The following CIZ1 variants were observed in gnomAD, a reference collection of about 807,000 sequenced individuals.
CIZ1 encodes the protein CDKN1A interacting zinc finger protein 1, also known as cip1-interacting zinc finger protein.
CIZ1 carries 58 observed loss-of-function variants against 118.6 expected under a neutral mutation model. The observed-to-expected ratio is 0.49, with a 90% CI of 0.40 to 0.61. The LOEUF is 0.61. CIZ1 is among the 20% of genes least tolerant of loss of function. The pLI is 0.00. For synonymous variants in CIZ1, 448 were observed against 443.4 expected (o/e 1.01, Z -0.13); for missense variants, 921 against 1,115.9 (o/e 0.83, Z 2.49).
rs192418585 is a variant in CIZ1, at chr9:128,201,086, G to A, written c.-6+3100C>T. 2.1e-3 allele frequency among the ~76,000 whole-genome samples: 323 copies of A among 151,818 alleles called. 2 individuals carry two copies. Among genetic ancestry groups the A allele is most frequent in the Non-Finnish European group, 3.4e-3 (229 of 67,942 alleles). Reference sequence around the variant, plus strand: ...GATGGAAACCATCCTGGCTAACACGGTGAAACCCTATCTCTACTAAAAATA... The same window carrying A: ...GATGGAAACCATCCTGGCTAACACGATGAAACCCTATCTCTACTAAAAATA... On this transcript the variant is annotated intron_variant, in intron 1 of 17. Coordinates refer to the CIZ1 transcript ENST00000372948.
At chr9:128,172,147 CAAAAAAAAAAAAAAAA>C (rs58895140) in intron 11 of CIZ1, among the ~76,000 whole-genome samples, 1 of 69,170 alleles carries the variant, frequency 1.4e-5, no homozygotes, top group East Asian at 4.6e-4. Context: ...GACACTGTCT[CAAAAAAAAAAAAAAAA>C]AAAAAAAAAA....
chr9:128,191,946 G>T, upstream of CIZ1: 7 of 1,416,090 alleles, frequency 4.9e-6, no homozygotes, highest in Non-Finnish European at 6.5e-6. The surrounding 1 kb of genome is among the most constrained non-coding windows in gnomAD (Gnocchi z 5.5). Context: ...ACATTCATTC[G>T]AGGGACCCAG....
At chr9:128,190,919 C>A in intron 1 of CIZ1, 57 bp from the exon 2 acceptor site, 1 of 1,478,036 alleles carries the variant, frequency 6.8e-7, no homozygotes, top group Non-Finnish European at 9.0e-7. Flanking sequence ...AGGCCTGCTC[C>A]CCTCCCATCC....
In CIZ1 at chr9:128,166,927, G is replaced by C; in HGVS notation, c.2366-47C>G. Reference sequence around the variant, plus strand: ...TCTGCACTCACATCCCTGTACCAGCGAGGTGTCCCTCCCTCTCTAGGGGCC... The same window carrying C: ...TCTGCACTCACATCCCTGTACCAGCCAGGTGTCCCTCCCTCTCTAGGGGCC... On this transcript the variant is annotated intron_variant, in intron 15 of 16. Transcript: ENST00000372938. The surrounding 1 kb of genome is among the most constrained non-coding windows in gnomAD (Gnocchi z 4.4). 6.2e-7 allele frequency: 1 copy of C among 1,613,716 alleles called. No individual in the cohort carries two copies. Among genetic ancestry groups the C allele is most frequent in the Non-Finnish European group, 8.5e-7 (1 of 1,179,774 alleles).
rs1829439440 is a variant in CIZ1 at position 128,166,480 on chromosome 9, C to T, written c.2488-74G>A. On this transcript the variant is annotated intron_variant, in intron 16 of 16. Transcript: ENST00000372938. The surrounding 1 kb of genome is among the most constrained non-coding windows in gnomAD (Gnocchi z 4.4). ...ATGCTCCTGGCCAGCAGCTACTTCC[C>T]CAGCTCTGGCTGAGACAGTATTAGT... 37 of 1,228,666 alleles carry T rather than the reference C, an allele frequency of 3.0e-5. No homozygotes were observed. In the Middle Eastern group the frequency reaches 6.0e-4, roughly 20 times the overall value. 76.1% of individuals were successfully genotyped at this position (1,228,666 alleles called of 1,614,324 possible). A position where few individuals can be genotyped will look rare whatever the true frequency, so the allele number is the denominator to read the frequency against.
upstream of CIZ1, chr9:128,191,648 C>A: frequency 8.1e-7 from 1 of 1,233,966 alleles, no homozygotes; most frequent in South Asian, 3.2e-5. The surrounding 1 kb of genome is among the most constrained non-coding windows in gnomAD (Gnocchi z 5.5). Context: ...GGCCGCGCCA[C>A]CCGAGCCCGC....
chr9:128,192,180 T>C (rs971879420), upstream of CIZ1, among the ~76,000 whole-genome samples: 4 of 152,042 alleles, frequency 2.6e-5, no homozygotes, highest in Non-Finnish European at 5.9e-5. Flanking sequence ...AAGACCAGCC[T>C]GGGCAAAATG....
At chr9:128,176,319 C>T (rs200170848) in intron 11 of CIZ1, 32 bp downstream of exon 11, 4 of 1,610,482 alleles carry the variant, frequency 2.5e-6, no homozygotes, top group Non-Finnish European at 2.5e-6. Context: ...TGCCTACCCC[C>T]CAACACAGAG....
chr9:128,171,692 G>A (rs539434879), intron 11 of CIZ1, among the ~76,000 whole-genome samples: 80 of 151,976 alleles, frequency 5.3e-4, no homozygotes, highest in Non-Finnish European at 8.4e-4. Flanking sequence ...AGCCAAGATC[G>A]CGCCACTGCA....
At chr9:128,185,004 C>A (rs532136300) in intron 5 of CIZ1, among the ~76,000 whole-genome samples, 2 of 152,242 alleles carry the variant, frequency 1.3e-5, no homozygotes, top group East Asian at 2.0e-4. Context: ...TTAAGCTGGG[C>A]GCAGTGGCTC....
chr9:128,181,482 G>C (rs1030002542), intron 5 of CIZ1, among the ~76,000 whole-genome samples: 5 of 152,222 alleles, frequency 3.3e-5, no homozygotes, highest in African/African-American at 1.2e-4. Flanking sequence ...TTAGTTGGTA[G>C]CAATTACTTT....
rs45599939 is a variant in CIZ1, at chr9:128,187,489, G to A, written c.358+374C>T. ...CCTGCTTAGCCTGATTTCCTGATCT[G>A]TAAAAAGGGGATAATAATAGCACTT... On this transcript the variant is annotated intron_variant, in intron 4 of 16. Coordinates refer to ENST00000372938, the MANE Select transcript of CIZ1 (RefSeq NM_001131016.2). 2.2e-3 allele frequency among the ~76,000 whole-genome samples: 331 copies of A among 152,318 alleles called. 8 individuals are homozygous for A. The East Asian group carries it at 0.04, about 19-fold the overall frequency.
rs1214502981 is a variant in CIZ1, at chr9:128,178,805, G to C, written c.1402C>G (p.Gln468Glu). ...GGAGCCAGCAACGACACCTGCGGCT[G>C]GGTGTGAGGCTGCTCATGGGTCTGC... ...PEQTHEQPHT[Q>E]PQVSLLAPEQ... is the part of the protein sequence containing the mutation. Residue 468 changes from glutamine to glutamate, a missense_variant, in exon 8 of 17, where the codon CAG becomes GAG. By Grantham distance (29) the Gln-to-Glu change is conservative. Transcript: ENST00000372938. 6.2e-7 allele frequency: 1 copy of C among 1,614,150 alleles called. No homozygotes were observed. The highest frequency in any genetic ancestry group is 1.3e-5 in the African/African-American group (1 of 74,958).
At chr9:128,167,485 A>G (rs1277229478) in intron 14 of CIZ1, 1 of 303,026 alleles carries the variant, frequency 3.3e-6, no homozygotes, top group Non-Finnish European at 6.1e-6. Context: ...ACAGCCCTCT[A>G]TGGCTACACA....
chr9:128,197,859 G>A (rs971833927), intron 1 of CIZ1: 3 of 152,320 alleles, frequency 2.0e-5, no homozygotes, highest in Admixed American at 6.5e-5. Context: ...TCACTGAACC[G>A]TCACACAATC....
At position 128,203,414 on chromosome 9, in the gene CIZ1, TC is replaced by T. The variant is rs2131060340; in HGVS notation, c.-6+771del. The T allele has an allele frequency of 7.3e-7, 1 of 1,361,452 alleles. No individual in the cohort carries two copies. Among genetic ancestry groups the T allele is most frequent in the East Asian group, 3.2e-5 (1 of 31,048 alleles). 84.3% of individuals were successfully genotyped at this position (1,361,452 alleles called of 1,614,324 possible). A position where few individuals can be genotyped will look rare whatever the true frequency, so the allele number is the denominator to read the frequency against. On this transcript the variant is annotated intron_variant, in intron 1 of 17. Coordinates refer to the CIZ1 transcript ENST00000372948. This position sits in a 1 kb window ranked among gnomAD's most constrained non-coding sequence, Gnocchi z 5.3. ...CGCGGCTGCAGCGGCGGAGCCGGAG[TC>T]GGAGCCGGGAGCGCTAGCGGCAGCC...
intron 7 of CIZ1, 23 bp downstream of exon 7, chr9:128,180,392 G>A (rs1299979595): frequency 5.0e-6 from 8 of 1,585,422 alleles, no homozygotes; most frequent in Middle Eastern, 1.7e-4. Flanking sequence ...CCGGGCGCAG[G>A]TCAGGTTTTC....
rs1027919169 is a variant in CIZ1 at position 128,166,395 on chromosome 9, C to T, written c.2499G>A (p.Ala833=). The T allele has an allele frequency of 8.5e-6, 13 of 1,536,814 alleles. No homozygotes were observed. Among genetic ancestry groups the T allele is most frequent in the East Asian group, 2.4e-5 (1 of 41,080 alleles). ...GHFENLQKYK[A]AKNPSPTTRP... ...GGGTGGTGGGGCTGGGGTTCTTGGC[C>T]GCCTTGTATTTCTGGATACAGAAGG... Residue 833 remains alanine, a synonymous_variant, in exon 17 of 17, where the codon GCG becomes GCA. Transcript: ENST00000372938. This position sits in a 1 kb window ranked among gnomAD's most constrained non-coding sequence, Gnocchi z 4.4.
rs963140454 is a variant in CIZ1 at position 128,179,038 on chromosome 9, T to A, written c.1169A>T (p.Gln390Leu). ...QPQAHSQGPR[Q>L]VQLQQEAEPL... ...CTCTGCCTCCTGCTGCAGCTGCACC[T>A]GCCTTGGGCCCTGTGAATGTGCCTG... is the stretch of plus-strand genomic sequence containing the variant. Residue 390 changes from glutamine (Q) to leucine (L), a missense_variant, in exon 8 of 17, where the codon CAG becomes CTG. Gln to Leu is a moderately radical substitution (Grantham distance 113, BLOSUM62 -2). Transcript: ENST00000372938. 2 of 1,613,066 alleles carry A rather than the reference T, an allele frequency of 1.2e-6. No homozygotes were observed. Among genetic ancestry groups the A allele is most frequent in the Non-Finnish European group, 1.7e-6 (2 of 1,179,054 alleles).
Sources: allele counts gnomAD v4.1 joint callset (sites outside exome capture counted in the v4.1 genomes callset), GRCh38; gene constraint gnomAD v4.1.1; non-coding constraint Gnocchi (gnomAD v3.1); transcripts MANE v1.5; gene names NCBI Gene and HGNC (gene_info 2026-07-23, HGNC 2026-07-21).